Variants in SPTB observed in about 807,000 individuals in gnomAD.
SPTB encodes the protein spectrin beta, erythrocytic.
A neutral mutation model predicts 256.2 loss-of-function variants in SPTB; 45 were observed. The ratio of observed to expected loss-of-function variants is 0.18; its 90% CI spans 0.14 to 0.23. The LOEUF is 0.23. Among genes scored for constraint, SPTB ranks in the 10% least tolerant of loss-of-function variants. SPTB has a pLI of 1.00. For missense variants in SPTB, 2,715 were observed against 3,040.4 expected (o/e 0.89, Z 2.52); for synonymous variants, 1,231 against 1,243.1 (o/e 0.99, Z 0.21).
intron 1 of SPTB, among the ~76,000 whole-genome samples, chr14:64,861,888 C>T (rs1230627948): frequency 2.0e-5 from 3 of 152,192 alleles, no homozygotes; most frequent in African/African-American, 7.2e-5. Flanking sequence ...AGCTGAATTT[C>T]CACGGCCTTG....
chr14:64,850,898 C>T (rs1051044654), intron 1 of SPTB, among the ~76,000 whole-genome samples: 12 of 152,166 alleles, frequency 7.9e-5, no homozygotes, highest in Non-Finnish European at 1.6e-4. Context: ...ACTGAAGGAC[C>T]AGCTCATTGC....
At chr14:64,859,712 CTCTCTCTCTATATATA>C (rs1277513110) in intron 1 of SPTB, among the ~76,000 whole-genome samples, 4 of 45,218 alleles carry the variant, frequency 8.8e-5, no homozygotes, top group Non-Finnish European at 2.1e-4. Context: ...CTCTCTCTCT[CTCTCTCTCTATATATA>C]TATATATATG....
At position 64,792,882 on chromosome 14, in the gene SPTB, TC is replaced by T; in HGVS notation, c.2666+114del. 6.9e-7 allele frequency: 1 copy of T among 1,449,248 alleles called. No individual in the cohort carries two copies. Among genetic ancestry groups the T allele is most frequent in the Non-Finnish European group, 9.5e-7 (1 of 1,049,682 alleles). The allele number at this position is 1,449,248 out of a possible 1,614,324, so 89.8% of individuals were successfully genotyped here. A position where few individuals can be genotyped will look rare whatever the true frequency, so the allele number is the denominator to read the frequency against. ...TGCCAGGACTTTGCAACAAAGGACA[TC>T]CCAGGGCCTCTCAAAGAGACCTTTG... On this transcript the variant is annotated intron_variant, in intron 14 of 35. Transcript: ENST00000644917. The surrounding 1 kb of genome is among the most constrained non-coding windows in gnomAD (Gnocchi z 4.2).
intron 32 of SPTB, 25 bp downstream of exon 32, chr14:64,766,701 T>C: frequency 6.2e-7 from 1 of 1,613,090 alleles, no homozygotes; most frequent in Non-Finnish European, 8.5e-7. Context: ...TCCCAGGAAC[T>C]AGACAAACGA....
rs759394986 is a variant in SPTB at position 64,752,212 on chromosome 14, C to T, written c.6602+1325G>A. 3.3e-5 allele frequency: 44 copies of T among 1,348,450 alleles called. No individual in the cohort carries two copies. In the South Asian group the frequency reaches 4.1e-4, roughly 13 times the overall value. The allele number at this position is 1,348,450 out of a possible 1,614,324, so 83.5% of individuals were successfully genotyped here. ...GCTAGCCCGAGCCGCTTCACTCACA[C>T]GTGGGAAGCATGTTGCTGCATTTCT... On this transcript the variant is annotated intron_variant, in intron 33 of 35. Coordinates refer to ENST00000644917, the MANE Select transcript of SPTB (RefSeq NM_001355436.2).
At position 64,827,008 on chromosome 14, in the gene SPTB, T is replaced by C. The variant is rs1395919280; in HGVS notation, c.-51-3863A>G. 6.6e-6 allele frequency among the ~76,000 whole-genome samples: 1 copy of C among 152,180 alleles called. No homozygotes were observed. Among genetic ancestry groups the C allele is most frequent in the Non-Finnish European group, 1.5e-5 (1 of 68,028 alleles). Reference sequence around the variant, plus strand: ...GCAACCCACAGCTCCAACCTTCACATCCGCCTTTGAGGTCCGATGCTAGGC... The same window carrying C: ...GCAACCCACAGCTCCAACCTTCACACCCGCCTTTGAGGTCCGATGCTAGGC... On this transcript the variant is annotated intron_variant, in intron 1 of 35. Coordinates refer to ENST00000644917, the MANE Select transcript of SPTB (RefSeq NM_001355436.2). The surrounding 1 kb of genome is among the most constrained non-coding windows in gnomAD (Gnocchi z 4.6).
In SPTB at chr14:64,753,445, A is replaced by C; in HGVS notation, c.6602+92T>G. The C allele has an allele frequency of 1.9e-6, 3 of 1,595,656 alleles. No individual in the cohort carries two copies. The African/African-American group carries it at 4.0e-5, about 21-fold the overall frequency. On this transcript the variant is annotated intron_variant, in intron 33 of 35. Transcript: ENST00000644917. Reference sequence around the variant, plus strand: ...CCAAGGCAGAAGGCACCCCTCCCCCAGCACATGCCCATGTCACCAAGGCTC... The same window carrying C: ...CCAAGGCAGAAGGCACCCCTCCCCCCGCACATGCCCATGTCACCAAGGCTC...
In SPTB at chr14:64,753,763, G is replaced by C. The variant is rs992923811; in HGVS notation, c.6376C>G (p.Leu2126Val). ...TGACCCGGCGGTGGTGGCTGCTGCAGGTTCTGAGGCCACGTTCCCTCTTCT... is the reference window on the plus strand; with the variant it reads ...TGACCCGGCGGTGGTGGCTGCTGCACGTTCTGAGGCCACGTTCCCTCTTCT... ...GEEEGTWPQN[L>V]QQPPPPGQHK... The change falls in exon 33 of 36, where the codon CTG (leucine) becomes GTG (valine). Residue 2126 changes from leucine (L) to valine (V), a missense_variant. Transcript: ENST00000644917. 5.0e-6 allele frequency: 8 copies of C among 1,613,334 alleles called. No homozygotes were observed. The highest frequency in any genetic ancestry group is 6.8e-6 in the Non-Finnish European group (8 of 1,180,020).
intron 2 of SPTB, among the ~76,000 whole-genome samples, chr14:64,810,483 C>A (rs1409729209): frequency 6.6e-6 from 1 of 152,142 alleles, no homozygotes; most frequent in Non-Finnish European, 1.5e-5. Context: ...AGTTCGAGAT[C>A]AGCCTGGCCA....
intron 1 of SPTB, among the ~76,000 whole-genome samples, chr14:64,837,263 T>G (rs1207031361): frequency 6.6e-6 from 1 of 152,212 alleles, no homozygotes; most frequent in Non-Finnish European, 1.5e-5. Flanking sequence ...CCAACCCTAT[T>G]CTAGCATCTT....
Position 64,841,676 on chromosome 14 carries a change from C to T in SPTB, c.-51-18531G>A, listed in dbSNP as rs2083609173. ...AGCATTGTGGGTAACGTTCCCAGGACAGACCAGTGGCAGAGTCAGAGGGAA... is the reference window on the plus strand; with the variant it reads ...AGCATTGTGGGTAACGTTCCCAGGATAGACCAGTGGCAGAGTCAGAGGGAA... On this transcript the variant is annotated intron_variant, in intron 1 of 35. Transcript: ENST00000644917. This position sits in a 1 kb window ranked among gnomAD's most constrained non-coding sequence, Gnocchi z 4.6. Among the ~76,000 whole-genome samples the T allele has an allele frequency of 6.6e-6, 1 of 152,106 alleles. No individual in the cohort carries two copies. The highest frequency in any genetic ancestry group is 1.5e-5 in the Non-Finnish European group (1 of 68,032).
At chr14:64,871,744 G>A (rs1350041804) in intron 1 of SPTB, among the ~76,000 whole-genome samples, 1 of 152,210 alleles carries the variant, frequency 6.6e-6, no homozygotes, top group East Asian at 1.9e-4. Flanking sequence ...TAGGGCTGAA[G>A]TTAGGAGAAG....
intron 22 of SPTB, among the ~76,000 whole-genome samples, chr14:64,776,903 CAA>C (rs2082367259): frequency 1.3e-5 from 2 of 152,112 alleles, no homozygotes; most frequent in African/African-American, 4.8e-5. Context: ...AATATAGAAA[CAA>C]GAGAAATGAA....
chr14:64,825,439 A>G lies in SPTB; in HGVS notation c.-51-2294T>C, dbSNP rs969822345. ...ACTGGCTGGGCAACGATAGCCGGGA[A>G]AGATACCCCCCACCCCCGGCCCCAC... On this transcript the variant is annotated intron_variant, in intron 1 of 35. Transcript: ENST00000644917. This position sits in a 1 kb window ranked among gnomAD's most constrained non-coding sequence, Gnocchi z 4.8. Among the ~76,000 whole-genome samples the G allele has an allele frequency of 2.0e-5, 3 of 149,542 alleles. No homozygotes were observed. The highest frequency in any genetic ancestry group is 2.0e-4 in the Admixed American group (3 of 15,094).
In SPTB at chr14:64,777,634, C is replaced by T. The variant is rs2082383239; in HGVS notation, c.4563+1523G>A. Among the ~76,000 whole-genome samples the T allele has an allele frequency of 6.6e-6, 1 of 152,282 alleles. No homozygotes were observed. The highest frequency in any genetic ancestry group is 2.4e-5 in the African/African-American group (1 of 41,546). On this transcript the variant is annotated intron_variant, in intron 22 of 35. Transcript: ENST00000644917. This position sits in a 1 kb window ranked among gnomAD's most constrained non-coding sequence, Gnocchi z 4.5. ...AATGCAAATTATTAGGCTCTACCCCCAGAGCTTGATGCAGTAGGGATCTGG... is the reference window on the plus strand; with the variant it reads ...AATGCAAATTATTAGGCTCTACCCCTAGAGCTTGATGCAGTAGGGATCTGG...
rs547039981 is a variant in SPTB at position 64,791,322 on chromosome 14, C to A, written c.2804+397G>T. On this transcript the variant is annotated intron_variant, in intron 15 of 35. Transcript: ENST00000644917. ...GTGGCTTATGCCTGTAATCCCAGCA[C>A]TTTGGGAGGCCGAGGTGGGCAGATC... 8.5e-5 allele frequency among the ~76,000 whole-genome samples: 13 copies of A among 152,156 alleles called. 1 individual carries two copies. In the South Asian group the frequency reaches 2.7e-3, roughly 32 times the overall value.
intron 4 of SPTB, among the ~76,000 whole-genome samples, chr14:64,803,132 G>T (rs2082918880): frequency 6.6e-6 from 1 of 152,154 alleles, no homozygotes; most frequent in South Asian, 2.1e-4. Flanking sequence ...AAACCAGCAG[G>T]TGCAAGACCC....
rs202231916 is a variant in SPTB at position 64,785,707 on chromosome 14, G to C, written c.3764+42C>G. The C allele has an allele frequency of 2.2e-5, 35 of 1,612,720 alleles. No homozygotes were observed. Among genetic ancestry groups the C allele is most frequent in the Non-Finnish European group, 2.9e-5 (34 of 1,178,864 alleles). On this transcript the variant is annotated intron_variant, in intron 17 of 35. Coordinates refer to ENST00000644917, the MANE Select transcript of SPTB (RefSeq NM_001355436.2). The surrounding 1 kb of genome is among the most constrained non-coding windows in gnomAD (Gnocchi z 4.4). Reference sequence around the variant, plus strand: ...CAAGCTTGGGGTCCTCACTACCCCCGTGTGGCTCTGGGGGCCTCGTGGCCC... The same window carrying C: ...CAAGCTTGGGGTCCTCACTACCCCCCTGTGGCTCTGGGGGCCTCGTGGCCC...
intron 32 of SPTB, chr14:64,754,544 ATC>A (rs2081995962): frequency 6.4e-6 from 1 of 155,658 alleles, no homozygotes; most frequent in Admixed American, 6.2e-5. Flanking sequence ...GCACATTGGT[ATC>A]TCTTACTGAG....
Sources: gnomAD v4.1 joint callset for allele counts (sites outside exome capture counted in the v4.1 genomes callset) on GRCh38, gnomAD v4.1.1 for gene constraint, Gnocchi (gnomAD v3.1) non-coding constraint, MANE v1.5 for transcripts, NCBI Gene and HGNC (gene_info 2026-07-23, HGNC 2026-07-21) for gene names.